The following ATE1 variants were observed in gnomAD, a reference collection of about 807,000 sequenced individuals.
ATE1 encodes the protein arginyl-tRNA--protein transferase 1.
A neutral mutation model predicts 70.5 loss-of-function variants in ATE1; 36 were observed. The observed-to-expected ratio is 0.51, with a 90% CI of 0.39 to 0.67. The LOEUF (loss-of-function observed/expected upper bound fraction) is 0.67. Ranked by LOEUF, ATE1 falls within the 30% of genes least tolerant of loss-of-function variation. The pLI, the probability that ATE1 is intolerant of heterozygous loss-of-function variation, is 0.00. For missense variants in ATE1, 593 were observed against 629.5 expected, an observed-to-expected ratio of 0.94 and a Z score of 0.62; for synonymous variants, 232 against 219.3, an observed-to-expected ratio of 1.06 and a Z score of -0.51.
intron 2 of ATE1, 67 bp from the exon 3 acceptor site, chr10:121,922,478 C>T (rs1951920681): frequency 1.1e-6 from 1 of 926,938 alleles, no homozygotes; most frequent in South Asian, 1.5e-5. Context: ...CAGCCTAGCA[C>T]AGGAGCATTA....
chr10:121,809,570 T>C (rs1296748660), intron 10 of ATE1, among the ~76,000 whole-genome samples: 9 of 152,212 alleles, frequency 5.9e-5, no homozygotes, highest in Admixed American at 5.9e-4. Context: ...GCTACTGGTA[T>C]GTTTCCATGC....
In ATE1 at chr10:121,835,350, C is replaced by T. The variant is rs375381300; in HGVS notation, c.1257+1368G>A. ...CAAAGCCAGTGTTACTTTCAGAATC[C>T]ATAATTTCTGAAATCGAACCATCTC... On this transcript the variant is annotated intron_variant, in intron 10 of 11. Transcript: ENST00000224652. Among the ~76,000 whole-genome samples the T allele has an allele frequency of 4.6e-5, 7 of 152,046 alleles. No homozygotes were observed. The East Asian group carries it at 1.2e-3, about 25-fold the overall frequency.
chr10:121,835,059 C>T (rs1175112998), intron 10 of ATE1, among the ~76,000 whole-genome samples: 2 of 152,030 alleles, frequency 1.3e-5, no homozygotes, highest in Admixed American at 6.6e-5. Context: ...CTAGTAAAAA[C>T]GTAAGCAAAT....
intron 11 of ATE1, among the ~76,000 whole-genome samples, chr10:121,780,746 C>T (rs990442092): frequency 6.6e-6 from 1 of 152,192 alleles, no homozygotes; most frequent in Admixed American, 6.5e-5. Context: ...TCTGTTCCAT[C>T]CCCTGTTGAA....
At chr10:121,849,742 A>T (rs748584152) in intron 8 of ATE1, among the ~76,000 whole-genome samples, 5 of 152,090 alleles carry the variant, frequency 3.3e-5, no homozygotes, top group Non-Finnish European at 5.9e-5. Flanking sequence ...TTTTTTCAAC[A>T]GGTACGTGGC....
chr10:121,911,978 C>T (rs1431878452), intron 4 of ATE1, among the ~76,000 whole-genome samples: 1 of 151,994 alleles, frequency 6.6e-6, no homozygotes, highest in African/African-American at 2.4e-5. Flanking sequence ...GATCTCCTGA[C>T]CTCGTGATCC....
At chr10:121,894,245 A>G (rs1350183918) in intron 7 of ATE1, among the ~76,000 whole-genome samples, 1 of 152,152 alleles carries the variant, frequency 6.6e-6, no homozygotes, top group Non-Finnish European at 1.5e-5. Context: ...CAATCAAAAC[A>G]TTAAATGTGA....
chr10:121,838,794 A>G (rs1310546981), intron 9 of ATE1, among the ~76,000 whole-genome samples: 2 of 152,142 alleles, frequency 1.3e-5, no homozygotes, highest in East Asian at 3.8e-4. Flanking sequence ...ATGATCCCCA[A>G]TTCAAACAAT....
In ATE1 at chr10:121,911,031, C is replaced by T. The variant is rs142603572; in HGVS notation, c.458G>A (p.Ser153Asn). ...LSDDIKESLESEGKNSKKEEP... is the reference protein window; with the variant it reads ...LSDDIKESLENEGKNSKKEEP... Reference sequence around the variant, plus strand: ...TTCTTTCTTTGAATTTTTTCCTTCACTCTCTAAACTCTCTTTGATGTCATC... The same window carrying T: ...TTCTTTCTTTGAATTTTTTCCTTCATTCTCTAAACTCTCTTTGATGTCATC... The change falls in exon 5 of 12, where the codon AGT (serine) becomes AAT (asparagine). Residue 153 changes from serine to asparagine, a missense_variant. By Grantham distance (46) the Ser-to-Asn change is conservative. This residue lies in a region of ATE1 where 467 missense variants were observed against 469.6 expected (regional missense o/e 0.99). Coordinates refer to ENST00000224652, the MANE Select transcript of ATE1 (RefSeq NM_001001976.3). 156 of 1,613,730 alleles carry T rather than the reference C, an allele frequency of 9.7e-5. No homozygotes were observed. Among genetic ancestry groups the T allele is most frequent in the Non-Finnish European group, 1.3e-4 (152 of 1,179,984 alleles).
chr10:121,764,811 G>A (rs1425516177), intron 11 of ATE1, among the ~76,000 whole-genome samples: 1 of 152,192 alleles, frequency 6.6e-6, no homozygotes, highest in Non-Finnish European at 1.5e-5. Flanking sequence ...CTGTAGAACT[G>A]TGACTTTCCA....
At chr10:121,783,548 G>A (rs573837603) in intron 11 of ATE1, among the ~76,000 whole-genome samples, 5 of 151,210 alleles carry the variant, frequency 3.3e-5, no homozygotes, top group African/African-American at 9.7e-5. Context: ...TTTTTTTAAT[G>A]GTACGTAAAA....
At chr10:121,749,993 T>C (rs1944516771) in intron 11 of ATE1, among the ~76,000 whole-genome samples, 2 of 152,332 alleles carry the variant, frequency 1.3e-5, no homozygotes, top group African/African-American at 4.8e-5. Context: ...TACACTCACT[T>C]AGTTACGTTC....
At chr10:121,911,620 T>G (rs561087996) in intron 4 of ATE1, among the ~76,000 whole-genome samples, 1 of 152,202 alleles carries the variant, frequency 6.6e-6, no homozygotes, top group African/African-American at 2.4e-5. Context: ...TTCCCCACAA[T>G]GGCTGGATTA....
chr10:121,913,207 C>G (rs902973376), intron 4 of ATE1, among the ~76,000 whole-genome samples: 4 of 151,946 alleles, frequency 2.6e-5, no homozygotes, highest in Admixed American at 6.6e-5. Context: ...GAAATAAAAC[C>G]AAAATTAGTA....
intron 11 of ATE1, among the ~76,000 whole-genome samples, chr10:121,748,425 A>G (rs1944451360): frequency 6.6e-6 from 1 of 151,828 alleles, no homozygotes; most frequent in Non-Finnish European, 1.5e-5. Context: ...ATAGACTTCC[A>G]TTCTATTTAT....
At chr10:121,872,770 C>T (rs1005594107) in intron 7 of ATE1, among the ~76,000 whole-genome samples, 26 of 151,036 alleles carry the variant, frequency 1.7e-4, no homozygotes, top group African/African-American at 5.6e-4. Flanking sequence ...AAAGTAAAGT[C>T]TATTGAAAAA....
At chr10:121,770,641 G>C (rs1340459240) in intron 11 of ATE1, among the ~76,000 whole-genome samples, 2 of 150,384 alleles carry the variant, frequency 1.3e-5, no homozygotes, top group Non-Finnish European at 2.9e-5. Context: ...ACTTTAATAA[G>C]TCTGACCTGA....
intron 10 of ATE1, among the ~76,000 whole-genome samples, chr10:121,827,284 T>G (rs1948061397): frequency 6.6e-6 from 1 of 152,206 alleles, no homozygotes; most frequent in South Asian, 2.1e-4. Context: ...AGTGCTGGAA[T>G]TACAGGCATG....
At chr10:121,757,531 T>C (rs148144419) in intron 11 of ATE1, among the ~76,000 whole-genome samples, 2,795 of 152,306 alleles carry the variant, frequency 0.018, 36 homozygotes, top group Middle Eastern at 0.037. Context: ...AGAGGTTTAA[T>C]TGGACTTACA....
Sources: allele counts gnomAD v4.1 joint callset (sites outside exome capture counted in the v4.1 genomes callset), GRCh38; gene constraint gnomAD v4.1.1; regional missense constraint gnomAD v4.1.1; transcripts MANE v1.5; gene names NCBI Gene and HGNC (gene_info 2026-07-23, HGNC 2026-07-21).